The following GALNTL6 variants were observed in gnomAD, a reference collection of about 807,000 sequenced individuals.
The protein encoded by GALNTL6 is polypeptide N-acetylgalactosaminyltransferase like 6.
A neutral mutation model predicts 73.7 loss-of-function variants in GALNTL6; 46 were observed. The observed-to-expected ratio is 0.62, with a 90% confidence interval of 0.49 to 0.80. The LOEUF is 0.80. Ranked by LOEUF, GALNTL6 falls within the 30% of genes least tolerant of loss-of-function variation. The pLI is 0.00. For missense variants in GALNTL6, 604 were observed against 755.0 expected (o/e 0.80, Z 2.34); for synonymous variants, 259 against 263.7 (o/e 0.98, Z 0.17).
intron 2 of GALNTL6, among the ~76,000 whole-genome samples, chr4:171,904,680 G>A (rs1737216613): frequency 6.6e-6 from 1 of 152,086 alleles, no homozygotes; most frequent in East Asian, 1.9e-4. Context: ...GCAACTCCAA[G>A]ACACATAATT....
intron 4 of GALNTL6, among the ~76,000 whole-genome samples, chr4:172,317,843 C>A (rs549042289): frequency 1.3e-4 from 20 of 151,876 alleles, no homozygotes; most frequent in Non-Finnish European, 2.6e-4. Context: ...ATTATGATAT[C>A]CTTGTGAACT....
rs1579703949 is a variant in GALNTL6 at position 172,955,598 on chromosome 4, C to G, written c.1371+3340C>G. Reference sequence around the variant, plus strand: ...CTTTCAGAGGATTTCTTAAAATAAGCTTTTTATTTTGGAATAATTTTAAAT... The same window carrying G: ...CTTTCAGAGGATTTCTTAAAATAAGGTTTTTATTTTGGAATAATTTTAAAT... On this transcript the variant is annotated intron_variant, in intron 10 of 12. Transcript: ENST00000506823. Among the ~76,000 whole-genome samples, 5 of 152,168 alleles carry G rather than the reference C, an allele frequency of 3.3e-5. No homozygotes were observed. In the South Asian group the frequency reaches 1.0e-3, roughly 32 times the overall value.
At chr4:172,812,570 A>G (rs1741370827) in intron 6 of GALNTL6, among the ~76,000 whole-genome samples, 1 of 152,094 alleles carries the variant, frequency 6.6e-6, no homozygotes, top group Non-Finnish European at 1.5e-5. Context: ...TGTCATCACA[A>G]TAACCTTAGC....
chr4:171,922,885 A>G (rs1737836798), intron 2 of GALNTL6, among the ~76,000 whole-genome samples: 1 of 152,148 alleles, frequency 6.6e-6, no homozygotes, highest in Non-Finnish European at 1.5e-5. Context: ...ATTTATCAAG[A>G]CGAATGATGA....
intron 3 of GALNTL6, among the ~76,000 whole-genome samples, chr4:172,239,243 G>A (rs1338132504): frequency 6.6e-6 from 1 of 152,004 alleles, no homozygotes; most frequent in African/African-American, 2.4e-5. Context: ...TTTCCTGGTT[G>A]GTAGCCTTTT....
intron 7 of GALNTL6, among the ~76,000 whole-genome samples, chr4:172,825,078 T>TTTTCTTTCTTTCTTTCTTTCTTTC (rs70944424): frequency 9.5e-6 from 1 of 105,626 alleles, no homozygotes; most frequent in Non-Finnish European, 1.9e-5. Context: ...TTTGGTTATC[T>TTTTCTTTCTTTCTTTCTTTCTTTC]TTTCTTTCTT....
chr4:171,973,522 T>C (rs1739630889), intron 2 of GALNTL6, among the ~76,000 whole-genome samples: 1 of 152,186 alleles, frequency 6.6e-6, no homozygotes, highest in African/African-American at 2.4e-5. Context: ...TGTGTCTGTC[T>C]GTGTCCAAAT....
chr4:172,737,009 C>A (rs531426687), intron 5 of GALNTL6, among the ~76,000 whole-genome samples: 1 of 152,142 alleles, frequency 6.6e-6, no homozygotes, highest in African/African-American at 2.4e-5. Flanking sequence ...AAATGTGAGT[C>A]CATTAAACCT....
Position 172,384,169 on chromosome 4 carries a change from A to G in GALNTL6, c.553+35480A>G, listed in dbSNP as rs533930627. ...TACTTTTTGCAAGAATTTGTTAAAAACTGGTATTAATTAAATGTTTGATAG... is the reference window on the plus strand; with the variant it reads ...TACTTTTTGCAAGAATTTGTTAAAAGCTGGTATTAATTAAATGTTTGATAG... On this transcript the variant is annotated intron_variant, in intron 5 of 12. Coordinates refer to ENST00000506823, the MANE Select transcript of GALNTL6 (RefSeq NM_001034845.3). 7.6e-4 allele frequency among the ~76,000 whole-genome samples: 116 copies of G among 152,272 alleles called. 1 individual carries two copies. The highest frequency in any genetic ancestry group is 4.0e-4 in the Non-Finnish European group (27 of 67,994).
At chr4:171,875,591 GT>G (rs1447017525) in intron 2 of GALNTL6, among the ~76,000 whole-genome samples, 1 of 151,978 alleles carries the variant, frequency 6.6e-6, no homozygotes, top group Non-Finnish European at 1.5e-5. Flanking sequence ...GGTTAAATCT[GT>G]GCTTATTGTT....
At chr4:171,939,383 CT>C (rs1294734360) in intron 2 of GALNTL6, among the ~76,000 whole-genome samples, 19 of 151,950 alleles carry the variant, frequency 1.3e-4, no homozygotes, top group Admixed American at 1.2e-3. Flanking sequence ...TAGATAAATA[CT>C]ATACCTACTT....
chr4:172,203,611 ACATC>A (rs1231981917), intron 2 of GALNTL6, among the ~76,000 whole-genome samples: 1 of 152,162 alleles, frequency 6.6e-6, no homozygotes. Flanking sequence ...CAAATATATT[ACATC>A]ATTTTCCCAA....
At chr4:171,851,862 T>A (rs1247483992) in intron 2 of GALNTL6, among the ~76,000 whole-genome samples, 1 of 152,192 alleles carries the variant, frequency 6.6e-6, no homozygotes, top group Non-Finnish European at 1.5e-5. Flanking sequence ...GCCACAAGCA[T>A]CCCCTTCAAA....
chr4:172,749,098 T>C (rs543392943), intron 5 of GALNTL6, among the ~76,000 whole-genome samples: 75 of 151,928 alleles, frequency 4.9e-4, no homozygotes, highest in Non-Finnish European at 9.0e-4. Context: ...GTTTGTTTTT[T>C]TTTTGATAGA....
chr4:172,940,666 T>TTTA (rs200767401), intron 9 of GALNTL6, among the ~76,000 whole-genome samples: 121 of 119,670 alleles, frequency 1.0e-3, no homozygotes, highest in Admixed American at 2.2e-3. Context: ...CGGCCAACAT[T>TTTA]TTATTATTAT....
chr4:172,390,879 C>T (rs565629160), intron 5 of GALNTL6, among the ~76,000 whole-genome samples: 38 of 152,036 alleles, frequency 2.5e-4, no homozygotes, highest in African/African-American at 8.9e-4. Flanking sequence ...ACAAACAGGA[C>T]ATGTAAATCA....
intron 5 of GALNTL6, among the ~76,000 whole-genome samples, chr4:172,592,326 T>C (rs747486703): frequency 5.9e-5 from 9 of 152,216 alleles, no homozygotes; most frequent in East Asian, 3.9e-4. Flanking sequence ...GGAGAAGCCT[T>C]TTACTACCTG....
At chr4:171,944,648 TAGAC>T (rs1358094413) in intron 2 of GALNTL6, among the ~76,000 whole-genome samples, 3 of 151,998 alleles carry the variant, frequency 2.0e-5, no homozygotes, top group Admixed American at 6.6e-5. Flanking sequence ...TAATCCATCT[TAGAC>T]AGGTAGGAGA....
chr4:172,129,110 T>G (rs979810964), intron 2 of GALNTL6, among the ~76,000 whole-genome samples: 2 of 152,224 alleles, frequency 1.3e-5, no homozygotes, highest in African/African-American at 4.8e-5. Context: ...ATTTGTAAAG[T>G]CATTAATTTG....
Sources: allele counts gnomAD v4.1 joint callset (sites outside exome capture counted in the v4.1 genomes callset), GRCh38; gene constraint gnomAD v4.1.1; transcripts MANE v1.5; gene names NCBI Gene and HGNC (gene_info 2026-07-23, HGNC 2026-07-21).